Variants in DCP1A observed in about 807,000 individuals in gnomAD.
DCP1A encodes mRNA-decapping enzyme 1A.
DCP1A carries 20 observed loss-of-function variants against 58.0 expected under a neutral mutation model. The ratio of observed to expected loss-of-function variants is 0.34; its 90% confidence interval spans 0.24 to 0.50. DCP1A has a LOEUF of 0.50. DCP1A is among the 20% of genes least tolerant of loss of function. DCP1A has a pLI of 0.98. For synonymous variants in DCP1A, 285 were observed against 275.1 expected (o/e 1.04, Z -0.36); for missense variants, 613 against 712.2 (o/e 0.86, Z 1.59).
At chr3:53,313,227 T>TG (rs1291127768) in intron 4 of DCP1A, among the ~76,000 whole-genome samples, 25 of 152,170 alleles carry the variant, frequency 1.6e-4, no homozygotes, top group African/African-American at 6.0e-4. Flanking sequence ...CAACTTAGCC[T>TG]GGGCAACTTG....
At chr3:53,334,144 G>A (rs1553691653) in intron 3 of DCP1A, among the ~76,000 whole-genome samples, 1 of 152,018 alleles carries the variant, frequency 6.6e-6, no homozygotes, top group Non-Finnish European at 1.5e-5. Context: ...TGCACTTGTG[G>A]TCCCAGCTAC....
chr3:53,319,628 C>T (rs888520012), intron 3 of DCP1A, among the ~76,000 whole-genome samples, 155 bp from the exon 4 acceptor site: 1 of 152,104 alleles, frequency 6.6e-6, no homozygotes, highest in Admixed American at 6.6e-5. Context: ...ATCTCCTCCC[C>T]AAATTCTGTT....
At chr3:53,314,667 C>CTTTTTTTT (rs1167830951) in intron 4 of DCP1A, among the ~76,000 whole-genome samples, 115 of 86,700 alleles carry the variant, frequency 1.3e-3, no homozygotes, top group African/African-American at 3.4e-3. Context: ...TTTTCTTTTT[C>CTTTTTTTT]TTTTTTTTTT....
chr3:53,331,005 C>T (rs567335797), intron 3 of DCP1A, among the ~76,000 whole-genome samples: 59 of 151,970 alleles, frequency 3.9e-4, no homozygotes, highest in South Asian at 2.1e-3. Context: ...ACTGCAGGTG[C>T]GTGCCGCCAT....
intron 1 of DCP1A, 117 bp downstream of exon 1, chr3:53,347,266 C>G: frequency 7.8e-7 from 1 of 1,279,768 alleles, no homozygotes; most frequent in South Asian, 1.7e-5. Flanking sequence ...CAGACCCTGG[C>G]CTCGTCTCCA....
intron 3 of DCP1A, among the ~76,000 whole-genome samples, chr3:53,327,643 T>C (rs1708147771): frequency 6.7e-6 from 1 of 148,378 alleles, no homozygotes; most frequent in South Asian, 2.1e-4. Flanking sequence ...TACAAAAAAT[T>C]AGCCAGGCAT....
intron 4 of DCP1A, among the ~76,000 whole-genome samples, chr3:53,315,589 G>A (rs906944594): frequency 2.0e-5 from 3 of 150,506 alleles, no homozygotes; most frequent in Non-Finnish European, 4.4e-5. Context: ...TCCTCTTTAG[G>A]AGAGTCAACA....
intron 5 of DCP1A, among the ~76,000 whole-genome samples, chr3:53,306,653 C>T (rs994386661): frequency 1.3e-4 from 19 of 151,682 alleles, no homozygotes; most frequent in Non-Finnish European, 1.6e-4. Context: ...CGCCTGTAGT[C>T]CCAGCTACTC....
chr3:53,293,743 T>C (rs1575594654), intron 6 of DCP1A, among the ~76,000 whole-genome samples: 1 of 152,344 alleles, frequency 6.6e-6, no homozygotes, highest in East Asian at 1.9e-4. Context: ...TGCAAATTAG[T>C]ATAATATCAA....
chr3:53,335,349 C>A (rs1553691789), intron 3 of DCP1A, among the ~76,000 whole-genome samples: 1 of 145,182 alleles, frequency 6.9e-6, no homozygotes, highest in African/African-American at 2.5e-5. Flanking sequence ...CCATGTTGGC[C>A]AGACTGGTCT....
chr3:53,291,764 G>A (rs1246850181), intron 7 of DCP1A, among the ~76,000 whole-genome samples: 2 of 152,152 alleles, frequency 1.3e-5, no homozygotes, highest in African/African-American at 4.8e-5. Flanking sequence ...GACTGCCGTG[G>A]GAGATAGGGA....
At chr3:53,292,001 G>A in intron 7 of DCP1A, 68 bp downstream of exon 7, 6 of 1,485,268 alleles carry the variant, frequency 4.0e-6, no homozygotes, top group Non-Finnish European at 5.4e-6. Context: ...TAAAACCAAG[G>A]TCTCTGTAGT....
Position 53,292,461 on chromosome 3 carries a change from C to A in DCP1A, c.991G>T (p.Val331Phe). 6.2e-7 allele frequency: 1 copy of A among 1,613,918 alleles called. No homozygotes were observed. Among genetic ancestry groups the A allele is most frequent in the Non-Finnish European group, 8.5e-7 (1 of 1,179,898 alleles). ...CTGTTTCGAGGTAAGCTGGGGGGAA[C>A]CTGTGCAGTAGGAGCTTCAGCTGGC... ...TLPAEAPTAQ[V>F]PPSLPRNSTM... The change falls in exon 7 of 10, where the codon GTT becomes TTT. Residue 331 changes from valine to phenylalanine, a missense_variant. Around this residue, in one of 3 missense-constraint regions of DCP1A, gnomAD observed 498 missense variants for 556.7 expected, o/e 0.89. Coordinates refer to ENST00000610213, the MANE Select transcript of DCP1A (RefSeq NM_018403.7).
intron 5 of DCP1A, among the ~76,000 whole-genome samples, chr3:53,312,007 G>C (rs189324211): frequency 3.3e-5 from 5 of 152,002 alleles, no homozygotes; most frequent in Admixed American, 3.3e-4. Flanking sequence ...CTAGAGTGGA[G>C]TGGCACAATC....
rs1286394221 is a variant in DCP1A, at chr3:53,286,544, G to A, written c.*1036C>T. On this transcript the variant is annotated 3_prime_UTR_variant, in exon 10 of 10. Coordinates refer to ENST00000610213, the MANE Select transcript of DCP1A (RefSeq NM_018403.7). The stretch of plus-strand genomic sequence containing the variant: ...GGCCGGGAAAGTACTCACAGCCTAG[G>A]AATACATTGGTAGAGTTCGGAATCA... 7 of 152,294 alleles carry A rather than the reference G, an allele frequency of 4.6e-5. No individual in the cohort carries two copies. The East Asian group carries it at 1.3e-3, about 29-fold the overall frequency. The allele number at this position is 152,294 out of a possible 1,614,324, so 9.4% of individuals were successfully genotyped here.
chr3:53,338,644 G>A (rs2089155482), intron 3 of DCP1A, among the ~76,000 whole-genome samples: 4 of 152,150 alleles, frequency 2.6e-5, no homozygotes, highest in Admixed American at 6.5e-5. Context: ...GGTGGATCAC[G>A]AGGTCAGGAG....
chr3:53,330,393 C>G (rs1553691136), intron 3 of DCP1A, among the ~76,000 whole-genome samples: 1 of 151,916 alleles, frequency 6.6e-6, no homozygotes, highest in Non-Finnish European at 1.5e-5. Flanking sequence ...GACCCTATCT[C>G]TATTTAAAAG....
intron 6 of DCP1A, among the ~76,000 whole-genome samples, chr3:53,297,093 T>C (rs1707151359): frequency 6.6e-6 from 1 of 152,172 alleles, no homozygotes; most frequent in African/African-American, 2.4e-5. Flanking sequence ...ACTTGTGATG[T>C]TCCATTTTAA....
Position 53,288,198 on chromosome 3 carries a change from G to T in DCP1A, c.1535C>A (p.Thr512Lys), listed in dbSNP as rs782317560. 4 of 1,613,900 alleles carry T rather than the reference G, an allele frequency of 2.5e-6. No individual in the cohort carries two copies. The highest frequency in any genetic ancestry group is 3.4e-6 in the Non-Finnish European group (4 of 1,179,898). Residue 512 changes from threonine (T) to lysine (K), a missense_variant, in exon 9 of 10, where the codon ACA becomes AAA. Around this residue, in one of 3 missense-constraint regions of DCP1A, gnomAD observed 498 missense variants for 556.7 expected, o/e 0.89. Transcript: ENST00000610213. The part of the protein sequence containing the change: ...LAPSVFQQTV[T>K]RSSDLERKAS... ...TTTCCTCTCAAGGTCCGAAGATCTT[G>T]TAACTGTCTGCTGGAAAACACTTGG...
Sources: allele counts gnomAD v4.1 joint callset (sites outside exome capture counted in the v4.1 genomes callset), GRCh38; gene constraint gnomAD v4.1.1; regional missense constraint gnomAD v4.1.1; transcripts MANE v1.5; gene names NCBI Gene and HGNC (gene_info 2026-07-23, HGNC 2026-07-21).